The following PLEKHA3 variants were observed in gnomAD, a reference collection of about 807,000 sequenced individuals.
The protein encoded by PLEKHA3 is pleckstrin homology domain containing A3.
PLEKHA3 carries 19 observed loss-of-function variants against 39.2 expected under a neutral mutation model. The observed-to-expected ratio is 0.48, with a 90% CI of 0.34 to 0.71. The LOEUF is 0.71. Ranked by LOEUF, PLEKHA3 falls within the 30% of genes least tolerant of loss-of-function variation. The probability of loss-of-function intolerance (pLI) is 0.01; values close to 1 mark genes in which losing one functional copy is unlikely to be tolerated. For missense variants in PLEKHA3, 253 were observed against 359.5 expected, an observed-to-expected ratio of 0.70 and a Z score of 2.40; for synonymous variants, 97 against 118.6, an observed-to-expected ratio of 0.82 and a Z score of 1.18.
chr2:178,491,432 T>C (rs770278021), intron 3 of PLEKHA3, among the ~76,000 whole-genome samples: 20 of 152,194 alleles, frequency 1.3e-4, no homozygotes, highest in Non-Finnish European at 2.2e-4. Context: ...TTATGTGTAT[T>C]GTTAGTATTC....
intron 2 of PLEKHA3, 113 bp downstream of exon 2, chr2:178,485,870 C>A: frequency 1.5e-6 from 1 of 680,728 alleles, no homozygotes; most frequent in South Asian, 2.0e-5. Flanking sequence ...CATCTAATAC[C>A]ATTTATATCC....
chr2:178,485,573 TCA>T, intron 1 of PLEKHA3, 66 bp from the exon 2 acceptor site: 1 of 943,082 alleles, frequency 1.1e-6, no homozygotes, highest in Non-Finnish European at 1.7e-6. Flanking sequence ...GGTTTTGAAA[TCA>T]CAGTTTTCTA....
In PLEKHA3 at chr2:178,503,845, A is replaced by C; in HGVS notation, c.861A>C (p.Lys287Asn). The C allele has an allele frequency of 6.2e-7, 1 of 1,611,912 alleles. No individual in the cohort carries two copies. The highest frequency in any genetic ancestry group is 8.5e-7 in the Non-Finnish European group (1 of 1,178,318). ...AAGAAAGCAGACTTATGGCCAAAAA[A>C]CAATCTGAATCAGAAGATACTCTTC... ...IPEESRLMAK[K>N]QSESEDTLPS... Residue 287 changes from lysine to asparagine, a missense_variant, in exon 8 of 8, where the codon AAA becomes AAC. Lys to Asn is a moderately conservative substitution (Grantham distance 94). This residue lies in a region of PLEKHA3 where 127 missense variants were observed against 136.8 expected (regional missense o/e 0.93). Coordinates refer to ENST00000234453, the MANE Select transcript of PLEKHA3 (RefSeq NM_019091.4).
chr2:178,499,857 C>T (rs1187264245), intron 6 of PLEKHA3, among the ~76,000 whole-genome samples: 1 of 152,142 alleles, frequency 6.6e-6, no homozygotes, highest in African/African-American at 2.4e-5. Context: ...TTAAGAGACG[C>T]ATGACTGTAT....
At chr2:178,489,451 C>CTTTTTTTTTTTTTTTT (rs71023445) in intron 2 of PLEKHA3, among the ~76,000 whole-genome samples, 1 of 82,370 alleles carries the variant, frequency 1.2e-5, no homozygotes, top group Non-Finnish European at 2.2e-5. Context: ...TCTTTTCCTT[C>CTTTTTTTTTTTTTTTT]TTTTTTTTTT....
chr2:178,497,001 G>A (rs1416447825), intron 5 of PLEKHA3, among the ~76,000 whole-genome samples: 1 of 151,938 alleles, frequency 6.6e-6, no homozygotes, highest in Non-Finnish European at 1.5e-5. Flanking sequence ...GCCCAGGCTG[G>A]TCTCAAACTC....
intron 1 of PLEKHA3, among the ~76,000 whole-genome samples, chr2:178,484,993 T>G (rs1685226269): frequency 6.6e-6 from 1 of 152,258 alleles, no homozygotes; most frequent in Admixed American, 6.5e-5. Context: ...GGAATCTGTG[T>G]TCTCACCATA....
rs35982137 is a variant in PLEKHA3, at chr2:178,493,979, C to G, written c.440C>G (p.Pro147Arg). ...FVHHDENHSS[P>R]SAENMNEASS... ...CACCATGATGAGAATCATTCATCTC[C>G]TAGTGCAGAGGTAGAGCGAAGAGGA... Residue 147 changes from proline to arginine, a missense_variant, in exon 4 of 8, where the codon CCT becomes CGT. Transcript: ENST00000234453. The G allele has an allele frequency of 6.2e-7, 1 of 1,613,790 alleles. No individual in the cohort carries two copies. The highest frequency in any genetic ancestry group is 1.3e-5 in the African/African-American group (1 of 75,040).
intron 5 of PLEKHA3, among the ~76,000 whole-genome samples, chr2:178,497,349 G>C (rs909579983): frequency 1.6e-4 from 24 of 151,990 alleles, no homozygotes; most frequent in African/African-American, 5.6e-4. Context: ...TCCTGCCTCA[G>C]CCTCCTGAGC....
At chr2:178,487,780 A>C (rs74410041) in intron 2 of PLEKHA3, among the ~76,000 whole-genome samples, 716 of 152,288 alleles carry the variant, frequency 4.7e-3, no homozygotes, top group African/African-American at 0.017. Flanking sequence ...GATGTTTTCC[A>C]AAGTGATTAT....
chr2:178,508,353 A>AT lies in PLEKHA3; in HGVS notation c.*4468dup, dbSNP rs1685635655. On this transcript the variant is annotated 3_prime_UTR_variant, in exon 8 of 8. Transcript: ENST00000234453. ...ATAAAAACCTATTTTTATTTTATAG[A>AT]TTAACTGTTTCCCCATATCTCCCTG... 1 of 151,550 alleles carries AT rather than the reference A, an allele frequency of 6.6e-6. No homozygotes were observed. Among genetic ancestry groups the AT allele is most frequent in the East Asian group, 1.9e-4 (1 of 5,186 alleles). The allele number at this position is 151,550 out of a possible 1,614,324, so 9.4% of individuals were successfully genotyped here.
chr2:178,496,517 T>C (rs1183455091), intron 5 of PLEKHA3, among the ~76,000 whole-genome samples: 2 of 151,958 alleles, frequency 1.3e-5, no homozygotes, highest in Non-Finnish European at 2.9e-5. Flanking sequence ...AATTTAGTTA[T>C]GAGATTTAGT....
chr2:178,502,295 G>T, intron 7 of PLEKHA3: 2 of 282,242 alleles, frequency 7.1e-6, no homozygotes, highest in South Asian at 3.6e-5. Context: ...TTAATATATG[G>T]CACTATTCTA....
rs913980122 is a variant in PLEKHA3 at position 178,509,134 on chromosome 2, CTGTGCTTTTT to C, written c.*5252_*5261del. The C allele has an allele frequency of 6.5e-6, 1 of 152,780 alleles. No individual in the cohort carries two copies. The highest frequency in any genetic ancestry group is 1.5e-5 in the Non-Finnish European group (1 of 68,040). The allele number at this position is 152,780 out of a possible 1,614,324, so 9.5% of individuals were successfully genotyped here. On this transcript the variant is annotated 3_prime_UTR_variant, in exon 8 of 8. Transcript: ENST00000234453. ...TGTTAAAATCTCATGGCTTTGTCGT[CTGTGCTTTTT>C]TGTGGATTAATACTATTTATATTCC...
In PLEKHA3 at chr2:178,493,780, T is replaced by A. The variant is rs968728049; in HGVS notation, c.314-73T>A. On this transcript the variant is annotated intron_variant, in intron 3 of 7. Transcript: ENST00000234453. Reference sequence around the variant, plus strand: ...TATTTATATTCATTGCTTTTTTAAATGATTACATTTTGTTACATTGCTCAA... The same window carrying A: ...TATTTATATTCATTGCTTTTTTAAAAGATTACATTTTGTTACATTGCTCAA... 2.3e-5 allele frequency: 31 copies of A among 1,352,046 alleles called. No homozygotes were observed. In the Admixed American group the frequency reaches 3.7e-4, roughly 16 times the overall value. 83.8% of individuals were successfully genotyped at this position (1,352,046 alleles called of 1,614,324 possible). A position where few individuals can be genotyped will look rare whatever the true frequency, so the allele number is the denominator to read the frequency against.
At chr2:178,495,848 C>T (rs1359243817) in intron 5 of PLEKHA3, among the ~76,000 whole-genome samples, 188 bp downstream of exon 5, 1 of 152,172 alleles carries the variant, frequency 6.6e-6, no homozygotes, top group African/African-American at 2.4e-5. Context: ...AGCACTTGTG[C>T]TAGTGTCCTC....
At position 178,510,200 on chromosome 2, in the gene PLEKHA3, AT is replaced by A. The variant is rs1553472524; in HGVS notation, c.*6314del. 1 of 152,712 alleles carries A rather than the reference AT, an allele frequency of 6.5e-6. No individual in the cohort carries two copies. The highest frequency in any genetic ancestry group is 1.5e-5 in the Non-Finnish European group (1 of 68,044). 9.5% of individuals were successfully genotyped at this position (152,712 alleles called of 1,614,324 possible). A position where few individuals can be genotyped will look rare whatever the true frequency, so the allele number is the denominator to read the frequency against. On this transcript the variant is annotated 3_prime_UTR_variant, in exon 8 of 8. Coordinates refer to ENST00000234453, the MANE Select transcript of PLEKHA3 (RefSeq NM_019091.4). ...GACCCTGCATTTAACTAGACTTCAT[AT>A]GAAATGTTCAGGTGTTAGGTGTTAT... is the stretch of plus-strand genomic sequence containing the variant.
At chr2:178,503,729 A>T (rs1410246200) in intron 7 of PLEKHA3, 31 bp from the exon 8 acceptor site, 1 of 1,605,356 alleles carries the variant, frequency 6.2e-7, no homozygotes, top group Non-Finnish European at 8.5e-7. Context: ...TATTGACAGG[A>T]TGTTTAACGT....
intron 4 of PLEKHA3, among the ~76,000 whole-genome samples, chr2:178,494,988 C>T (rs1303086483): frequency 6.8e-6 from 1 of 146,608 alleles, no homozygotes; most frequent in Non-Finnish European, 1.5e-5. Context: ...ATAGCCATGA[C>T]TAGGTTAGAT....
Sources: allele counts gnomAD v4.1 joint callset (sites outside exome capture counted in the v4.1 genomes callset), GRCh38; gene constraint gnomAD v4.1.1; regional missense constraint gnomAD v4.1.1; transcripts MANE v1.5; gene names NCBI Gene and HGNC (gene_info 2026-07-23, HGNC 2026-07-21).